TTC6: variants seen among roughly 807,000 people sequenced by gnomAD.
TTC6 encodes tetratricopeptide repeat domain 6, also known as tetratricopeptide repeat protein 6.
In TTC6, 172 loss-of-function variants were observed where a neutral mutation model predicts 210.4. The observed-to-expected ratio is 0.82, with a 90% confidence interval of 0.72 to 0.93. The LOEUF (loss-of-function observed/expected upper bound fraction) is 0.93. Among genes scored for constraint, TTC6 ranks in the 40% least tolerant of loss-of-function variants. The pLI, the probability that TTC6 is intolerant of heterozygous loss-of-function variation, is 0.00. For missense variants in TTC6, 2,414 were observed against 2,318.1 expected (o/e 1.04, Z -0.85); for synonymous variants, 804 against 819.6 (o/e 0.98, Z 0.32).
At chr14:37,839,352 A>G (rs1175239890) in intron 29 of TTC6, among the ~76,000 whole-genome samples, 1 of 152,170 alleles carries the variant, frequency 6.6e-6, no homozygotes, top group African/African-American at 2.4e-5. Context: ...CTGACATGAG[A>G]TGGTATCTCA....
intron 10 of TTC6, among the ~76,000 whole-genome samples, chr14:37,747,966 T>C (rs893124218): frequency 1.3e-5 from 2 of 152,186 alleles, no homozygotes; most frequent in East Asian, 1.9e-4. Flanking sequence ...TGGGGTCTTA[T>C]GGACCATGGT....
At chr14:37,653,532 A>G (rs1345355828) in intron 1 of TTC6, among the ~76,000 whole-genome samples, 1 of 152,108 alleles carries the variant, frequency 6.6e-6, no homozygotes, top group Non-Finnish European at 1.5e-5. Flanking sequence ...CAAAGTATTA[A>G]TTCCTGCTAG....
intron 1 of TTC6, among the ~76,000 whole-genome samples, chr14:37,632,453 G>C (rs1566852413): frequency 6.6e-6 from 1 of 152,358 alleles, no homozygotes; most frequent in South Asian, 2.1e-4. Flanking sequence ...GGAGGCTGCA[G>C]AACGGCAAAG....
intron 6 of TTC6, among the ~76,000 whole-genome samples, chr14:37,716,811 C>T (rs1421765520): frequency 2.6e-5 from 4 of 152,030 alleles, no homozygotes; most frequent in African/African-American, 4.8e-5. Context: ...CCAGTAGGTT[C>T]CAGTTGAAAT....
At chr14:37,713,482 C>T (rs1396579053) in intron 5 of TTC6, among the ~76,000 whole-genome samples, 1 of 152,140 alleles carries the variant, frequency 6.6e-6, no homozygotes, top group Non-Finnish European at 1.5e-5. Flanking sequence ...AAGTGATCTG[C>T]CTGCCTCAGC....
intron 20 of TTC6, 87 bp from the exon 23 acceptor site, chr14:37,804,593 G>A: frequency 6.7e-7 from 1 of 1,502,844 alleles, no homozygotes; most frequent in Non-Finnish European, 9.0e-7. Flanking sequence ...TGTGCTCTGT[G>A]CTCCTTTTAA....
chr14:37,681,808 C>T (rs2095784334), intron 2 of TTC6, among the ~76,000 whole-genome samples: 1 of 152,104 alleles, frequency 6.6e-6, no homozygotes, highest in African/African-American at 2.4e-5. Flanking sequence ...TTCTTTCTTC[C>T]TCAGCTTGCA....
At chr14:37,821,599 T>G (rs1439563842) in intron 26 of TTC6, among the ~76,000 whole-genome samples, 1 of 152,078 alleles carries the variant, frequency 6.6e-6, no homozygotes, top group Non-Finnish European at 1.5e-5. Context: ...GCACCACATT[T>G]GGGAAAACAT....
exon 31 of TTC6, chr14:37,842,208 C>T (rs374277390): frequency 3.0e-5 from 49 of 1,607,804 alleles, no homozygotes; most frequent in Middle Eastern, 1.7e-4. Flanking sequence ...AGCAAAAGTT[C>T]GTGGTAAAAT....
chr14:37,824,019 C>A, intron 27 of TTC6, 62 bp downstream of exon 29: 3 of 1,466,706 alleles, frequency 2.0e-6, no homozygotes, highest in Non-Finnish European at 2.8e-6. Context: ...ATATTTGGCT[C>A]TTTCCTGGCA....
chr14:37,696,327 A>G (rs1248085594), intron 3 of TTC6, among the ~76,000 whole-genome samples: 1 of 152,148 alleles, frequency 6.6e-6, no homozygotes, highest in Admixed American at 6.5e-5. Flanking sequence ...ACTGATCAAA[A>G]CAAAAATATA....
chr14:37,671,725 C>T (rs1183556564), intron 1 of TTC6, among the ~76,000 whole-genome samples: 1 of 152,088 alleles, frequency 6.6e-6, no homozygotes, highest in Non-Finnish European at 1.5e-5. Context: ...CCACCCAAGT[C>T]TCATCTTTAA....
intron 2 of TTC6, among the ~76,000 whole-genome samples, chr14:37,607,078 G>T (rs1206439911): frequency 6.6e-6 from 1 of 152,138 alleles, no homozygotes; most frequent in Non-Finnish European, 1.5e-5. Flanking sequence ...AAAAGGAATG[G>T]CTCTGACCTC....
intron 13 of TTC6, among the ~76,000 whole-genome samples, chr14:37,751,622 C>T (rs1045196011): frequency 2.0e-5 from 3 of 152,082 alleles, no homozygotes; most frequent in African/African-American, 7.2e-5. Flanking sequence ...CTGCAGGGAA[C>T]CTATCTGCTC....
In TTC6 at chr14:37,598,453, C is replaced by G. The variant is rs1449755441; in HGVS notation, c.-235+2445C>G. ...CAGCGGAGGAAGCGGCTCCGCCCTTCCCGGAAGCTGCCCTTGCTACACCCG... is the reference window on the plus strand; with the variant it reads ...CAGCGGAGGAAGCGGCTCCGCCCTTGCCGGAAGCTGCCCTTGCTACACCCG... On this transcript the variant is annotated intron_variant, in intron 1 of 2. Coordinates refer to the TTC6 transcript ENST00000556845. This position sits in a 1 kb window ranked among gnomAD's most constrained non-coding sequence, Gnocchi z 4.9. Among the ~76,000 whole-genome samples, 1 of 152,218 alleles carries G rather than the reference C, an allele frequency of 6.6e-6. No homozygotes were observed. Among genetic ancestry groups the G allele is most frequent in the Non-Finnish European group, 1.5e-5 (1 of 68,038 alleles).
At chr14:37,714,778 G>A in exon 6 of TTC6, 3 of 1,535,010 alleles carry the variant, frequency 2.0e-6, no homozygotes, top group Non-Finnish European at 2.6e-6. Context: ...AACCACACTT[G>A]GAAGTCTTGG....
intron 14 of TTC6, among the ~76,000 whole-genome samples, chr14:37,770,053 G>A (rs887899928): frequency 2.3e-4 from 35 of 152,156 alleles, no homozygotes; most frequent in African/African-American, 5.5e-4. Flanking sequence ...CCTTCATTTC[G>A]TTATGTACCC....
At chr14:37,628,196 T>G (rs1315828928) in intron 1 of TTC6, among the ~76,000 whole-genome samples, 1 of 152,198 alleles carries the variant, frequency 6.6e-6, no homozygotes, top group Non-Finnish European at 1.5e-5. Context: ...CTCGAACTCC[T>G]GACTGAACTC....
chr14:37,599,182 G>A (rs1446054325), intron 1 of TTC6, among the ~76,000 whole-genome samples: 1 of 152,214 alleles, frequency 6.6e-6, no homozygotes, highest in East Asian at 1.9e-4. Flanking sequence ...GCGGTCCCCC[G>A]CGAGAGAGAA....
Sources: gnomAD v4.1 joint callset for allele counts (sites outside exome capture counted in the v4.1 genomes callset) on GRCh38, gnomAD v4.1.1 for gene constraint, Gnocchi (gnomAD v3.1) non-coding constraint, MANE v1.5 for transcripts, NCBI Gene and HGNC (gene_info 2026-07-23, HGNC 2026-07-21) for gene names.